Variants in PKD1L1 observed in about 807,000 individuals in gnomAD.
The protein encoded by PKD1L1 is polycystin-1-like protein 1.
In PKD1L1, 236 loss-of-function variants were observed where a neutral mutation model predicts 323.4. The ratio of observed to expected loss-of-function variants is 0.73; its 90% confidence interval spans 0.66 to 0.81. The LOEUF (loss-of-function observed/expected upper bound fraction) is 0.81, where lower values mean the gene tolerates loss of function less well. Among genes scored for constraint, PKD1L1 ranks in the 40% least tolerant of loss-of-function variants. The probability of loss-of-function intolerance (pLI) is 0.00; values close to 1 mark genes in which losing one functional copy is unlikely to be tolerated. For synonymous variants in PKD1L1, 1,344 were observed against 1,335.0 expected, an observed-to-expected ratio of 1.01 and a Z score of -0.15; for missense variants, 3,320 against 3,508.0, an observed-to-expected ratio of 0.95 and a Z score of 1.35.
intron 26 of PKD1L1, among the ~76,000 whole-genome samples, chr7:47,863,758 T>A (rs558022884): frequency 6.6e-6 from 1 of 151,944 alleles, no homozygotes; most frequent in Non-Finnish European, 1.5e-5. Context: ...TGTGGTGACG[T>A]GCATCTGTGG....
intron 56 of PKD1L1, among the ~76,000 whole-genome samples, chr7:47,786,733 A>G (rs887368899): frequency 6.6e-6 from 1 of 152,198 alleles, no homozygotes; most frequent in Non-Finnish European, 1.5e-5. Context: ...AGCTCCTGCA[A>G]AGTGGTGAGT....
Position 47,898,065 on chromosome 7 carries a change from C to T in PKD1L1, c.2194G>A (p.Ala732Thr). 1 of 1,613,898 alleles carries T rather than the reference C, an allele frequency of 6.2e-7. No individual in the cohort carries two copies. The highest frequency in any genetic ancestry group is 2.2e-5 in the East Asian group (1 of 44,876). Reference protein sequence around the residue: ...SEGLPVSLPAAVDTHRQTLIL... With the variant: ...SEGLPVSLPATVDTHRQTLIL... ...AGGGTCTGTCTGTGAGTGTCCACAG[C>T]AGCAGGGAGGGAGACAGGGAGCCCT... is the stretch of plus-strand genomic sequence containing the variant. Residue 732 changes from alanine to threonine, a missense_variant, in exon 14 of 57, where the codon GCT becomes ACT. Coordinates refer to ENST00000289672, the MANE Select transcript of PKD1L1 (RefSeq NM_138295.5).
Position 47,833,074 on chromosome 7 carries a change from T to C in PKD1L1, c.6337+16A>G, listed in dbSNP as rs779013769. The C allele has an allele frequency of 1.1e-5, 18 of 1,602,858 alleles. No individual in the cohort carries two copies. The South Asian group carries it at 2.0e-4, about 18-fold the overall frequency. On this transcript the variant is annotated intron_variant, in intron 41 of 56. Transcript: ENST00000289672. ...GGACTGGCAGGAAGGGGGCTGTGGT[T>C]GCAAGCCACAGTTACCTTGAGTGTG...
intron 53 of PKD1L1, among the ~76,000 whole-genome samples, chr7:47,802,126 GC>G (rs1459235520): frequency 7.3e-5 from 11 of 150,070 alleles, no homozygotes; most frequent in African/African-American, 2.7e-4. Flanking sequence ...GGGAGGCGGA[GC>G]TTTGCAGTGA....
rs145300738 is a variant in PKD1L1 at position 47,891,969 on chromosome 7, A to G, written c.2454-1206T>C. On this transcript the variant is annotated intron_variant, in intron 15 of 56. Coordinates refer to ENST00000289672, the MANE Select transcript of PKD1L1 (RefSeq NM_138295.5). ...AGAAACAGCAAATTCCACACCTGGAATACAGCAAATATGTGTGATCACAGG... is the reference window on the plus strand; with the variant it reads ...AGAAACAGCAAATTCCACACCTGGAGTACAGCAAATATGTGTGATCACAGG... Among the ~76,000 whole-genome samples, 10 of 152,316 alleles carry G rather than the reference A, an allele frequency of 6.6e-5. No homozygotes were observed. The East Asian group carries it at 1.9e-3, about 29-fold the overall frequency.
chr7:47,917,208 A>G (rs1327089346), intron 7 of PKD1L1, among the ~76,000 whole-genome samples: 2 of 152,230 alleles, frequency 1.3e-5, no homozygotes, highest in Non-Finnish European at 2.9e-5. Context: ...AATAGAATTG[A>G]GCAAGTAAAA....
chr7:47,882,000 G>T lies in PKD1L1; in HGVS notation c.3351C>A (p.Ser1117=), dbSNP rs1237755261. Residue 1117 remains serine (S), a synonymous_variant, in exon 20 of 57, where the codon TCC becomes TCA. Transcript: ENST00000289672. ...PGDGDNLVDP[S]LSAGRAEPVL... ...CAGGCTCGGCTCTGCCTGCAGACAG[G>T]GAGGGGTCCACCAGGTTATCCCCAT... 8 of 1,614,064 alleles carry T rather than the reference G, an allele frequency of 5.0e-6. No individual in the cohort carries two copies. In the Middle Eastern group the frequency reaches 5.0e-4, roughly 100 times the overall value.
intron 56 of PKD1L1, among the ~76,000 whole-genome samples, chr7:47,791,283 T>C (rs1786941210): frequency 6.6e-6 from 1 of 152,226 alleles, no homozygotes; most frequent in African/African-American, 2.4e-5. Context: ...ATTTTAACTT[T>C]TTTTCTCTTG....
Position 47,898,153 on chromosome 7 carries a change from T to C in PKD1L1, c.2106A>G (p.Glu702=). 1 of 1,614,182 alleles carries C rather than the reference T, an allele frequency of 6.2e-7. No individual in the cohort carries two copies. Among genetic ancestry groups the C allele is most frequent in the East Asian group, 2.2e-5 (1 of 44,892 alleles). The change falls in exon 14 of 57, where the codon GAA becomes GAG. Residue 702 remains glutamate, a synonymous_variant. Coordinates refer to ENST00000289672, the MANE Select transcript of PKD1L1 (RefSeq NM_138295.5). The part of the protein sequence containing the change: ...SQPVRLGVTF[E]AAVFCDISQG... ...GGGAAATATCACAGAAGACTGCAGC[T>C]TCAAACGTCACTCCCAGCCTCACAG...
intron 52 of PKD1L1, among the ~76,000 whole-genome samples, chr7:47,806,752 T>G (rs1252705395): frequency 6.6e-6 from 1 of 152,228 alleles, no homozygotes; most frequent in East Asian, 1.9e-4. Flanking sequence ...TTTTATTGCT[T>G]ATAGTTCTCA....
rs1562943820 is a variant in PKD1L1, at chr7:47,816,117, A to T, written c.6966-660T>A. 2.0e-5 allele frequency among the ~76,000 whole-genome samples: 3 copies of T among 152,328 alleles called. No individual in the cohort carries two copies. The East Asian group carries it at 5.8e-4, about 29-fold the overall frequency. On this transcript the variant is annotated intron_variant, in intron 46 of 56. Transcript: ENST00000289672. ...ACAAGGGAGGCTCTGGGACACACAG[A>T]CCAAGACCCAGTCCTCTCTCTGCAC...
chr7:47,791,647 A>G (rs1299574369), intron 56 of PKD1L1, among the ~76,000 whole-genome samples: 1 of 151,510 alleles, frequency 6.6e-6, no homozygotes, highest in East Asian at 1.9e-4. Context: ...TATTATTTCT[A>G]CTCCTCTCTA....
chr7:47,844,289 A>G (rs1423733901), intron 33 of PKD1L1, among the ~76,000 whole-genome samples: 1 of 152,232 alleles, frequency 6.6e-6, no homozygotes, highest in Admixed American at 6.5e-5. Flanking sequence ...AAGTAATACG[A>G]TTGATGAAAT....
chr7:47,852,044 G>A (rs968196420), intron 31 of PKD1L1, among the ~76,000 whole-genome samples: 1 of 152,164 alleles, frequency 6.6e-6, no homozygotes, highest in African/African-American at 2.4e-5. Context: ...TTATGATAAT[G>A]TACTGAGTTT....
chr7:47,880,205 G>T (rs1047872735), intron 21 of PKD1L1, among the ~76,000 whole-genome samples: 4 of 141,834 alleles, frequency 2.8e-5, no homozygotes, highest in Non-Finnish European at 6.0e-5. Context: ...GGACAGATTT[G>T]CAGGAAAGGA....
At chr7:47,917,729 A>G (rs1024888331) in intron 7 of PKD1L1, among the ~76,000 whole-genome samples, 1 of 152,238 alleles carries the variant, frequency 6.6e-6, no homozygotes, top group African/African-American at 2.4e-5. Flanking sequence ...ACTAAGCTTC[A>G]TACATGAAGA....
In PKD1L1 at chr7:47,858,890, A is replaced by G. The variant is rs752169405; in HGVS notation, c.4150-5T>C. On this transcript the variant is annotated splice_region_variant and splice_polypyrimidine_tract_variant and intron_variant, in intron 26 of 56. Transcript: ENST00000289672. ...AACCGCACTCATAAAGCCTAGCTGC[A>G]TGAACAGAAAAGATGTAAATAAAAT... The G allele has an allele frequency of 9.3e-6, 15 of 1,612,884 alleles. No individual in the cohort carries two copies. Among genetic ancestry groups the G allele is most frequent in the African/African-American group, 4.0e-5 (3 of 74,738 alleles).
chr7:47,890,532 G>C lies in PKD1L1; in HGVS notation c.2675+10C>G. On this transcript the variant is annotated intron_variant, in intron 16 of 56. Coordinates refer to ENST00000289672, the MANE Select transcript of PKD1L1 (RefSeq NM_138295.5). ...GTGAGCTGAGCTGTGCTGAATACAG[G>C]GTCAGGTACCTGAACGCCGAGTCAG... 6.2e-7 allele frequency: 1 copy of C among 1,613,174 alleles called. No individual in the cohort carries two copies. Among genetic ancestry groups the C allele is most frequent in the South Asian group, 1.1e-5 (1 of 91,046 alleles).
In PKD1L1 at chr7:47,840,716, G is replaced by C. The variant is rs951726195; in HGVS notation, c.5446-149C>G. 6 of 608,480 alleles carry C rather than the reference G, an allele frequency of 9.9e-6. No individual in the cohort carries two copies. The highest frequency in any genetic ancestry group is 4.2e-5 in the South Asian group (2 of 47,584). 37.7% of individuals were successfully genotyped at this position (608,480 alleles called of 1,614,324 possible). ...GGAGTGCCACAGCCTAGAGCCAGGG[G>C]ATGAGTGGGCACGTCCAGTCCCAGG... On this transcript the variant is annotated intron_variant, in intron 34 of 56. Coordinates refer to ENST00000289672, the MANE Select transcript of PKD1L1 (RefSeq NM_138295.5). The surrounding 1 kb of genome is among the most constrained non-coding windows in gnomAD (Gnocchi z 4.1).
Sources: gnomAD v4.1 joint callset for allele counts (sites outside exome capture counted in the v4.1 genomes callset) on GRCh38, gnomAD v4.1.1 for gene constraint, Gnocchi (gnomAD v3.1) non-coding constraint, MANE v1.5 for transcripts, NCBI Gene and HGNC (gene_info 2026-07-23, HGNC 2026-07-21) for gene names.